The following COL6A3 variants were observed in gnomAD, a reference collection of about 807,000 sequenced individuals.
The protein encoded by COL6A3 is collagen alpha-3(VI) chain.
In COL6A3, 137 loss-of-function variants were observed where a neutral mutation model predicts 274.1. The observed-to-expected ratio is 0.50, with a 90% confidence interval of 0.44 to 0.58. The LOEUF is 0.58. Among genes scored for constraint, COL6A3 ranks in the 20% least tolerant of loss-of-function variants. COL6A3 has a pLI of 0.00. For synonymous variants in COL6A3, 1,650 were observed against 1,650.6 expected (o/e 1.00, Z 0.01); for missense variants, 3,950 against 4,124.9 (o/e 0.96, Z 1.16).
chr2:237,346,615 T>C (rs367694303), intron 31 of COL6A3, 50 bp from the exon 32 acceptor site: 48 of 1,536,950 alleles, frequency 3.1e-5, no homozygotes, highest in Non-Finnish European at 4.1e-5. Context: ...AAGTGGAGAA[T>C]TTAAGGCTCC....
intron 1 of COL6A3, among the ~76,000 whole-genome samples, chr2:237,410,300 C>CT (rs552676030): frequency 0.14 from 18,242 of 126,184 alleles, 1,375 homozygotes; most frequent in Middle Eastern, 0.25. Context: ...AATTTCTTTT[C>CT]TTTTTTTTTT....
At position 237,387,872 on chromosome 2, in the gene COL6A3, C is replaced by T. The variant is rs140510298; in HGVS notation, c.1022G>A (p.Arg341His). ...ENHFTRAGGSRVEEGVPQVLV... is the reference protein window; with the variant it reads ...ENHFTRAGGSHVEEGVPQVLV... ...CACCTGGGGAACCCCTTCCTCCACG[C>T]GGCTGCCCCCTGCCCGGGTGAAGTG... is the stretch of plus-strand genomic sequence containing the variant. Residue 341 changes from arginine (R) to histidine (H), a missense_variant, in exon 4 of 44, where the codon CGC (arginine) becomes CAC (histidine). Arg to His is a conservative substitution (Grantham distance 29). Transcript: ENST00000295550. The T allele has an allele frequency of 5.0e-5, 80 of 1,613,990 alleles. 1 individual carries two copies. The highest frequency in any genetic ancestry group is 1.6e-4 in the South Asian group (15 of 91,068).
chr2:237,393,089 G>A (rs1159458734), intron 3 of COL6A3, among the ~76,000 whole-genome samples: 1 of 152,160 alleles, frequency 6.6e-6, no homozygotes, highest in Non-Finnish European at 1.5e-5. Context: ...ATGGCAGGCT[G>A]TTTCAGGAAT....
At chr2:237,362,629 A>G (rs2077462311) in intron 14 of COL6A3, among the ~76,000 whole-genome samples, 1 of 152,144 alleles carries the variant, frequency 6.6e-6, no homozygotes, top group South Asian at 2.1e-4. Flanking sequence ...CATTCCTCCC[A>G]TTCTCATAGC....
intron 43 of COL6A3, among the ~76,000 whole-genome samples, 186 bp downstream of exon 43, chr2:237,325,374 A>G (rs1266251366): frequency 6.6e-6 from 1 of 152,132 alleles, no homozygotes; most frequent in Non-Finnish European, 1.5e-5. Context: ...GTTTTTAGAA[A>G]CCCAAAATAG....
chr2:237,377,351 TG>T lies in COL6A3; in HGVS notation c.2498-8del. Reference sequence around the variant, plus strand: ...AGAATGTCTCGCTTGCTCTCTGCAATGAAGGTAGATTAGGATACAATGAGGG... The same window carrying T: ...AGAATGTCTCGCTTGCTCTCTGCAATAAGGTAGATTAGGATACAATGAGGG... On this transcript the variant is annotated splice_polypyrimidine_tract_variant and splice_region_variant and intron_variant, in intron 6 of 43. Transcript: ENST00000295550. 6.3e-7 allele frequency: 1 copy of T among 1,599,654 alleles called. No individual in the cohort carries two copies. The highest frequency in any genetic ancestry group is 8.5e-7 in the Non-Finnish European group (1 of 1,179,870).
Position 237,378,624 on chromosome 2 carries a change from G to C in COL6A3, c.2497+12C>G. 4.3e-6 allele frequency: 7 copies of C among 1,612,340 alleles called. No individual in the cohort carries two copies. Among genetic ancestry groups the C allele is most frequent in the Non-Finnish European group, 5.9e-6 (7 of 1,180,018 alleles). Reference sequence around the variant, plus strand: ...GAAGGAGAGGGAGTTCCCGGCAACAGGGGAGGTTTACCTGGCTGAGCGAGT... The same window carrying C: ...GAAGGAGAGGGAGTTCCCGGCAACACGGGAGGTTTACCTGGCTGAGCGAGT... On this transcript the variant is annotated intron_variant, in intron 6 of 43. Transcript: ENST00000295550.
chr2:237,407,252 C>G lies in COL6A3; in HGVS notation c.-31+6701G>C, dbSNP rs374016162. Among the ~76,000 whole-genome samples the G allele has an allele frequency of 1.3e-5, 2 of 152,300 alleles. No individual in the cohort carries two copies. The highest frequency in any genetic ancestry group is 1.5e-5 in the Non-Finnish European group (1 of 68,018). ...TATGAAAATACTCTAGAACAATAAT[C>G]TGTTTGACTCAAACTGAATGTGTAT... On this transcript the variant is annotated intron_variant, in intron 1 of 43. Coordinates refer to ENST00000295550, the MANE Select transcript of COL6A3 (RefSeq NM_004369.4). This position sits in a 1 kb window ranked among gnomAD's most constrained non-coding sequence, Gnocchi z 4.3.
intron 11 of COL6A3, among the ~76,000 whole-genome samples, chr2:237,366,480 A>G (rs1185557668): frequency 1.3e-5 from 2 of 152,228 alleles, no homozygotes; most frequent in African/African-American, 2.4e-5. Context: ...TATAAAAGCA[A>G]AATATGATAG....
At chr2:237,337,749 C>T (rs1402498403) in intron 39 of COL6A3, among the ~76,000 whole-genome samples, 2 of 152,212 alleles carry the variant, frequency 1.3e-5, no homozygotes, top group African/African-American at 4.8e-5. Context: ...CCCAGCTAGC[C>T]CTCTGTTACA....
intron 5 of COL6A3, among the ~76,000 whole-genome samples, chr2:237,380,232 T>C (rs1345892902): frequency 1.3e-5 from 2 of 152,240 alleles, no homozygotes; most frequent in African/African-American, 4.8e-5. Flanking sequence ...TGATCGAGTC[T>C]GCAAGGTGGG....
chr2:237,348,435 C>T (rs111498339), intron 29 of COL6A3, 51 bp from the exon 30 acceptor site: 93 of 1,500,548 alleles, frequency 6.2e-5, no homozygotes, highest in Non-Finnish European at 8.0e-5. Context: ...TTAAATTCAT[C>T]TAAAATAAAT....
At chr2:237,408,432 C>T (rs143198243) in intron 1 of COL6A3, among the ~76,000 whole-genome samples, 1 of 152,190 alleles carries the variant, frequency 6.6e-6, no homozygotes, top group Non-Finnish European at 1.5e-5. Context: ...GGTGCACCGC[C>T]GGGCCGGCTG....
In COL6A3 at chr2:237,381,199, G is replaced by T; in HGVS notation, c.1613C>A (p.Thr538Lys). 6.2e-7 allele frequency: 1 copy of T among 1,614,246 alleles called. No individual in the cohort carries two copies. The highest frequency in any genetic ancestry group is 8.5e-7 in the Non-Finnish European group (1 of 1,180,046). The change falls in exon 5 of 44, where the codon ACG (threonine) becomes AAG (lysine). Residue 538 changes from threonine (T) to lysine (K), a missense_variant. Thr to Lys is a moderately conservative substitution (Grantham distance 78). This residue lies in a region of COL6A3 where 1,934 missense variants were observed against 1,984.3 expected (regional missense o/e 0.97). Coordinates refer to ENST00000295550, the MANE Select transcript of COL6A3 (RefSeq NM_004369.4). The stretch of plus-strand genomic sequence containing the variant: ...GGCAGCCCGGTAGCCGGCTGAACTC[G>T]TGAATAGGTTGTTACGAACAAAGTC... Reference protein sequence around the residue: ...ALDFVRNNLFTSSAGYRAAEG... With the variant: ...ALDFVRNNLFKSSAGYRAAEG...
intron 3 of COL6A3, 108 bp from the exon 4 acceptor site, chr2:237,388,292 T>C: frequency 7.2e-7 from 1 of 1,397,054 alleles, no homozygotes; most frequent in Non-Finnish European, 1.0e-6. Flanking sequence ...AAACACGAAA[T>C]ATGGGCAAAC....
chr2:237,354,062 A>G (rs947576925), intron 24 of COL6A3, among the ~76,000 whole-genome samples: 4 of 147,858 alleles, frequency 2.7e-5, no homozygotes, highest in Non-Finnish European at 5.9e-5. Context: ...CCCAGGCTGG[A>G]GTGCAATGGC....
chr2:237,369,714 A>G (rs1187502057), intron 9 of COL6A3, among the ~76,000 whole-genome samples: 6 of 152,248 alleles, frequency 3.9e-5, no homozygotes, highest in Admixed American at 2.0e-4. Flanking sequence ...ACACAGTGCC[A>G]TATCCAAGGG....
chr2:237,396,049 G>A (rs1221853978), intron 2 of COL6A3, among the ~76,000 whole-genome samples: 1 of 152,176 alleles, frequency 6.6e-6, no homozygotes, highest in Non-Finnish European at 1.5e-5. Flanking sequence ...AGTGACACTA[G>A]ACTTCCCTCC....
At chr2:237,396,614 G>T in intron 2 of COL6A3, 113 bp downstream of exon 2, 1 of 1,056,114 alleles carries the variant, frequency 9.5e-7, no homozygotes, top group Non-Finnish European at 1.5e-6. Flanking sequence ...ATAATAAATG[G>T]CTTAGCTACC....
Sources: allele counts gnomAD v4.1 joint callset (sites outside exome capture counted in the v4.1 genomes callset), GRCh38; gene constraint gnomAD v4.1.1; regional missense constraint gnomAD v4.1.1; non-coding constraint Gnocchi (gnomAD v3.1); transcripts MANE v1.5; gene names NCBI Gene and HGNC (gene_info 2026-07-23, HGNC 2026-07-21).